The following ANKRD28 variants were observed in gnomAD, a reference collection of about 807,000 sequenced individuals.
ANKRD28 encodes the protein ankyrin repeat domain 28.
ANKRD28 carries 44 observed loss-of-function variants against 126.5 expected under a neutral mutation model. The ratio of observed to expected loss-of-function variants is 0.35; its 90% confidence interval spans 0.27 to 0.45. The LOEUF (loss-of-function observed/expected upper bound fraction) is 0.45. ANKRD28 is among the 20% of genes least tolerant of loss of function. The pLI is 1.00. For synonymous variants in ANKRD28, 442 were observed against 468.5 expected (o/e 0.94, Z 0.73); for missense variants, 1,110 against 1,316.6 (o/e 0.84, Z 2.43).
chr3:15,807,905 AGGTT>A (rs1321652555), intron 1 of ANKRD28, among the ~76,000 whole-genome samples: 2 of 152,240 alleles, frequency 1.3e-5, no homozygotes, highest in Non-Finnish European at 2.9e-5. Context: ...AGGCATAATA[AGGTT>A]GGCTACTCAT....
intron 3 of ANKRD28, 135 bp from the exon 4 acceptor site, chr3:15,751,955 G>C (rs1018450885): frequency 3.8e-5 from 22 of 579,526 alleles, no homozygotes; most frequent in Admixed American, 2.2e-4. Context: ...TACACTTTCT[G>C]CTGATAAAAT....
At chr3:15,798,259 A>C, upstream of ANKRD28, 1 of 727,154 alleles carries the variant, frequency 1.4e-6, no homozygotes, top group Non-Finnish European at 1.7e-6. Flanking sequence ...GTTTAACCCT[A>C]TAATGACAGT....
intron 17 of ANKRD28, among the ~76,000 whole-genome samples, chr3:15,692,417 T>C (rs974401782): frequency 6.6e-6 from 1 of 151,978 alleles, no homozygotes; most frequent in South Asian, 2.1e-4. Flanking sequence ...GCCACTACAC[T>C]CCAGCCTGGA....
chr3:15,834,362 G>C lies in ANKRD28; in HGVS notation c.27+25015C>G, dbSNP rs2061274775. Among the ~76,000 whole-genome samples, 4 of 151,972 alleles carry C rather than the reference G, an allele frequency of 2.6e-5. No individual in the cohort carries two copies. The South Asian group carries it at 8.3e-4, about 32-fold the overall frequency. ...TCTTGTTGATGATTAGCTGGTTGTA[G>C]GTATGTGGCTTTATTTCTGGGTTCC... On this transcript the variant is annotated intron_variant, in intron 1 of 27. Coordinates refer to the ANKRD28 transcript ENST00000399451.
intron 6 of ANKRD28, among the ~76,000 whole-genome samples, chr3:15,726,937 A>C (rs1575410471): frequency 6.6e-6 from 1 of 152,374 alleles, no homozygotes; most frequent in East Asian, 1.9e-4. Context: ...AAAATGGAAC[A>C]AAGCCTGGAT....
At chr3:15,806,298 G>C (rs940847314) in intron 1 of ANKRD28, among the ~76,000 whole-genome samples, 1 of 152,128 alleles carries the variant, frequency 6.6e-6, no homozygotes. Flanking sequence ...GCCCCTATAA[G>C]AATTGATAAT....
chr3:15,838,292 G>C lies in ANKRD28; in HGVS notation c.27+21085C>G, dbSNP rs2061362193. ...AGGCTAACATTACCTTAATACCAAA[G>C]CCAGACAAAGATATCACACGAATAG... On this transcript the variant is annotated intron_variant, in intron 1 of 27. Transcript: ENST00000399451. The surrounding 1 kb of genome is among the most constrained non-coding windows in gnomAD (Gnocchi z 4.0). Among the ~76,000 whole-genome samples, 1 of 152,036 alleles carries C rather than the reference G, an allele frequency of 6.6e-6. No individual in the cohort carries two copies. Among genetic ancestry groups the C allele is most frequent in the Admixed American group, 6.6e-5 (1 of 15,254 alleles).
chr3:15,777,965 A>G (rs1575643594), intron 2 of ANKRD28, among the ~76,000 whole-genome samples: 1 of 151,800 alleles, frequency 6.6e-6, no homozygotes, highest in Non-Finnish European at 1.5e-5. Context: ...TTAGATCATA[A>G]ACTTGCTGAA....
At chr3:15,693,447 T>A (rs1395148720) in intron 17 of ANKRD28, among the ~76,000 whole-genome samples, 2 of 151,982 alleles carry the variant, frequency 1.3e-5, no homozygotes. Flanking sequence ...AAATGAGAAT[T>A]TCTAAGGAAA....
chr3:15,827,817 G>A (rs2061100628), intron 1 of ANKRD28, among the ~76,000 whole-genome samples: 1 of 152,126 alleles, frequency 6.6e-6, no homozygotes, highest in Non-Finnish European at 1.5e-5. Context: ...GAGAACAGGA[G>A]AAAATATTAG....
At chr3:15,703,555 G>A (rs747986365) in intron 14 of ANKRD28, among the ~76,000 whole-genome samples, 13 of 152,126 alleles carry the variant, frequency 8.5e-5, no homozygotes, top group Admixed American at 2.0e-4. Context: ...AGAGGAAGTG[G>A]GCCTTCTCCA....
intron 6 of ANKRD28, among the ~76,000 whole-genome samples, chr3:15,733,906 T>C (rs1237473736): frequency 1.3e-5 from 2 of 152,246 alleles, no homozygotes; most frequent in Non-Finnish European, 2.9e-5. Context: ...CTTGTGGGTA[T>C]CTATAACTGG....
At chr3:15,690,626 G>A (rs962212661) in intron 17 of ANKRD28, among the ~76,000 whole-genome samples, 13 of 152,236 alleles carry the variant, frequency 8.5e-5, no homozygotes, top group South Asian at 4.1e-4. Context: ...GTCCAGTGGC[G>A]TGATCATAGC....
intron 1 of ANKRD28, among the ~76,000 whole-genome samples, chr3:15,835,479 C>G (rs1273082280): frequency 1.3e-5 from 2 of 152,220 alleles, no homozygotes; most frequent in East Asian, 3.8e-4. Context: ...GTTCCTCTTA[C>G]AGCCTGTGGC....
In ANKRD28 at chr3:15,721,113, A is replaced by G. The variant is rs377648040; in HGVS notation, c.798T>C (p.Asn266=). ...LDLGVDMNEP[N]AYGNTPLHVA... ...CATGAAGAGGTGTATTTCCATAGGC[A>G]TTTGGTTCATTCATCTATTAGAAGG... Residue 266 remains asparagine, a synonymous_variant, in exon 8 of 28, where the codon AAT becomes AAC. Transcript: ENST00000683139. 1.2e-6 allele frequency: 2 copies of G among 1,610,726 alleles called. No homozygotes were observed. Among genetic ancestry groups the G allele is most frequent in the Non-Finnish European group, 1.7e-6 (2 of 1,178,950 alleles).
At chr3:15,798,209 A>AAACGGCTT (rs972528434), upstream of ANKRD28, 1 of 977,768 alleles carries the variant, frequency 1.0e-6, no homozygotes, top group Admixed American at 6.2e-5. Flanking sequence ...AAACAATTCC[A>AAACGGCTT]AACGGCTTAA....
chr3:15,790,033 A>T (rs2059956072), intron 2 of ANKRD28, among the ~76,000 whole-genome samples: 2 of 152,162 alleles, frequency 1.3e-5, no homozygotes. Flanking sequence ...ATGCTGATAA[A>T]CTGGAAAATA....
At chr3:15,745,345 C>T (rs894326054) in intron 4 of ANKRD28, among the ~76,000 whole-genome samples, 5 of 152,108 alleles carry the variant, frequency 3.3e-5, no homozygotes, top group African/African-American at 1.2e-4. Context: ...TCTATGGTTT[C>T]AGGTCTTAGA....
In ANKRD28 at chr3:15,670,361, G is replaced by A; in HGVS notation, c.3161C>T (p.Ser1054Phe). ...ALPIMRNEPS[S>F]YCSFNNIGGE... is the part of the protein sequence containing the mutation. The stretch of plus-strand genomic sequence containing the variant: ...TCCAATGTTATTGAAACTGCAATAG[G>A]AGCTAGGTTCATTCCTCATGATGGG... The change falls in exon 28 of 28, where the codon TCC becomes TTC. Residue 1054 changes from serine to phenylalanine, a missense_variant. Coordinates refer to ENST00000683139, the MANE Select transcript of ANKRD28 (RefSeq NM_001349278.2). 6.2e-7 allele frequency: 1 copy of A among 1,613,976 alleles called. No homozygotes were observed.
Sources: allele counts gnomAD v4.1 joint callset (sites outside exome capture counted in the v4.1 genomes callset), GRCh38; gene constraint gnomAD v4.1.1; non-coding constraint Gnocchi (gnomAD v3.1); transcripts MANE v1.5; gene names NCBI Gene and HGNC (gene_info 2026-07-23, HGNC 2026-07-21).